SCAP: variants seen among roughly 807,000 people sequenced by gnomAD.
SCAP encodes the protein SREBF chaperone, also known as sterol regulatory element-binding protein cleavage-activating protein.
Under a neutral mutation model 123.6 loss-of-function variants are expected in SCAP, and 65 were observed. The ratio of observed to expected loss-of-function variants is 0.53; its 90% confidence interval spans 0.43 to 0.65. The LOEUF is 0.65. Among genes scored for constraint, SCAP ranks in the 30% least tolerant of loss-of-function variants. The pLI is 0.00. For missense variants in SCAP, 1,398 were observed against 1,712.5 expected, an observed-to-expected ratio of 0.82 and a Z score of 3.24; for synonymous variants, 740 against 726.3, an observed-to-expected ratio of 1.02 and a Z score of -0.30.
At position 47,420,991 on chromosome 3, in the gene SCAP, G is replaced by A; in HGVS notation, c.1284C>T (p.Asp428=). ...CLFAVVGLVS[D]FFLQMLFFTT... is the part of the protein sequence containing the mutation. ...TGAAAAACAGCATCTGAAGGAAGAA[G>A]TCAGACACCAGCCCCACGACAGCAA... The change falls in exon 11 of 23, where the codon GAC becomes GAT. Residue 428 remains aspartate (D), a synonymous_variant. Transcript: ENST00000265565. This position sits in a 1 kb window ranked among gnomAD's most constrained non-coding sequence, Gnocchi z 5.0. 2 of 1,613,990 alleles carry A rather than the reference G, an allele frequency of 1.2e-6. No individual in the cohort carries two copies. Among genetic ancestry groups the A allele is most frequent in the Non-Finnish European group, 1.7e-6 (2 of 1,180,006 alleles).
At chr3:47,472,603 T>A (rs958464443) in intron 1 of SCAP, among the ~76,000 whole-genome samples, 3 of 152,156 alleles carry the variant, frequency 2.0e-5, no homozygotes, top group African/African-American at 4.8e-5. Flanking sequence ...TGATTTAGCA[T>A]CCCTGCAACC....
rs771000596 is a variant in SCAP at position 47,418,819 on chromosome 3, G to A, written c.1965C>T (p.Ile655=). The A allele has an allele frequency of 6.5e-7, 1 of 1,529,532 alleles. No individual in the cohort carries two copies. Among genetic ancestry groups the A allele is most frequent in the South Asian group, 1.3e-5 (1 of 77,578 alleles). The allele number at this position is 1,529,532 out of a possible 1,614,324, so 94.7% of individuals were successfully genotyped here. The change falls in exon 14 of 23, where the codon ATC becomes ATT. Residue 655 remains isoleucine (I), a synonymous_variant. Transcript: ENST00000265565. ...TCGGGTTCAGGCGGAGCGTGACTGG[G>A]ATGACGGGCAGCAGGCTGATGTACC... ...AKRYISLLPV[I]PVTLRLNPRE...
intron 1 of SCAP, among the ~76,000 whole-genome samples, chr3:47,466,154 AAAAG>A (rs1225184990): frequency 4.2e-5 from 6 of 142,186 alleles, no homozygotes; most frequent in Admixed American, 2.2e-4. Context: ...AAAAAAAAAA[AAAAG>A]AAAGAAATTC....
chr3:47,418,783 C>A lies in SCAP; in HGVS notation c.2001G>T (p.Leu667=). Residue 667 remains leucine, a synonymous_variant, in exon 14 of 23, where the codon CTG becomes CTT. Transcript: ENST00000265565. ...GGCCGTCCTGAGGGTGCCGGCCCTC[C>A]AGAGCCTCCCTCGGGTTCAGGCGGA... The part of the protein sequence containing the change: ...VTLRLNPREA[L]EGRHPQDGRS... The A allele has an allele frequency of 6.4e-7, 1 of 1,565,266 alleles. No homozygotes were observed. The highest frequency in any genetic ancestry group is 1.7e-4 in the Middle Eastern group (1 of 5,816).
chr3:47,445,844 T>A (rs963748608), intron 1 of SCAP, among the ~76,000 whole-genome samples: 2 of 151,226 alleles, frequency 1.3e-5, no homozygotes, highest in Admixed American at 1.3e-4. Flanking sequence ...GTGCTGGGAT[T>A]ACAGGTGTGA....
At chr3:47,449,716 A>T (rs1469815041) in intron 1 of SCAP, among the ~76,000 whole-genome samples, 1 of 124,476 alleles carries the variant, frequency 8.0e-6, no homozygotes. Context: ...GGCTGACTTT[A>T]AGTGCAGGCT....
chr3:47,421,053 G>T, intron 10 of SCAP, 24 bp from the exon 11 acceptor site: 1 of 1,578,214 alleles, frequency 6.3e-7, no homozygotes, highest in South Asian at 1.1e-5. Flanking sequence ...ACATGGGGAT[G>T]GGGGGGTGCC....
chr3:47,442,957 G>A lies in SCAP; in HGVS notation c.37C>T (p.Arg13Trp), dbSNP rs749967242. The A allele has an allele frequency of 1.2e-5, 20 of 1,613,988 alleles. No homozygotes were observed. Among genetic ancestry groups the A allele is most frequent in the Middle Eastern group, 1.7e-4 (1 of 6,056 alleles). ...AGGAGCCCATGGTTGTAGAAGGCCC[G>A]AGATATCTTCTCACGCAGCCTTTCA... ...LTERLREKIS[R>W]AFYNHGLLCA... is the part of the protein sequence containing the mutation. The change falls in exon 2 of 23, where the codon CGG becomes TGG. Residue 13 changes from arginine (R) to tryptophan (W), a missense_variant. Transcript: ENST00000265565.
Position 47,418,671 on chromosome 3 carries a change from C to T in SCAP, c.2113G>A (p.Asp705Asn), listed in dbSNP as rs773872046. Reference sequence around the variant, plus strand: ...CAGCCTTACTTGTACAGCGTGACGTCTCCATGGGCCTGCACCCCACCTGGG... The same window carrying T: ...CAGCCTTACTTGTACAGCGTGACGTTTCCATGGGCCTGCACCCCACCTGGG... ...KGPGGVQAHG[D>N]VTLYKVAALG... Residue 705 changes from aspartate to asparagine, a missense_variant, in exon 14 of 23, where the codon GAC becomes AAC. Physicochemically the swap from Asp to Asn is conservative, Grantham distance 23 (BLOSUM62 1). Coordinates refer to ENST00000265565, the MANE Select transcript of SCAP (RefSeq NM_012235.4). 261 of 1,424,782 alleles carry T rather than the reference C, an allele frequency of 1.8e-4. No individual in the cohort carries two copies. The highest frequency in any genetic ancestry group is 2.4e-4 in the Non-Finnish European group (255 of 1,059,022). The allele number at this position is 1,424,782 out of a possible 1,614,324, so 88.3% of individuals were successfully genotyped here.
intron 1 of SCAP, among the ~76,000 whole-genome samples, chr3:47,446,808 G>A (rs1559559182): frequency 6.6e-6 from 1 of 152,060 alleles, no homozygotes; most frequent in Admixed American, 6.6e-5. Flanking sequence ...GCAGGGCAGG[G>A]TGGCACATGC....
intron 1 of SCAP, among the ~76,000 whole-genome samples, chr3:47,469,207 G>A (rs921191185): frequency 3.3e-5 from 5 of 152,184 alleles, no homozygotes; most frequent in African/African-American, 4.8e-5. Flanking sequence ...AATTAGCCGG[G>A]TGTGGTGGCA....
chr3:47,455,185 C>G (rs1483005771), intron 1 of SCAP, among the ~76,000 whole-genome samples: 1 of 150,218 alleles, frequency 6.7e-6, no homozygotes, highest in Non-Finnish European at 1.5e-5. Flanking sequence ...ACATCAACAA[C>G]AAGCAGGCAG....
chr3:47,452,133 A>C (rs1036651061), intron 1 of SCAP, among the ~76,000 whole-genome samples: 4 of 151,918 alleles, frequency 2.6e-5, no homozygotes, highest in African/African-American at 9.7e-5. Context: ...TGCATTTAAA[A>C]CTCTGTAATT....
At chr3:47,468,122 A>T (rs1043774179) in intron 1 of SCAP, among the ~76,000 whole-genome samples, 2 of 152,074 alleles carry the variant, frequency 1.3e-5, no homozygotes, top group African/African-American at 4.8e-5. Context: ...TCTATCATTG[A>T]TGGACATTTG....
intron 1 of SCAP, among the ~76,000 whole-genome samples, chr3:47,465,841 CAAAA>C (rs79594451): frequency 6.8e-6 from 1 of 146,356 alleles, no homozygotes; most frequent in African/African-American, 2.5e-5. Context: ...TTTAAAAAAA[CAAAA>C]AAAAAAAAGC....
chr3:47,422,065 C>T (rs1433192113), intron 10 of SCAP, among the ~76,000 whole-genome samples: 3 of 152,286 alleles, frequency 2.0e-5, no homozygotes, highest in African/African-American at 7.2e-5. Flanking sequence ...CACGGTGCTT[C>T]TCCCTCAAAA....
At chr3:47,425,854 G>C in intron 7 of SCAP, 143 bp downstream of exon 7, 1 of 1,013,874 alleles carries the variant, frequency 9.9e-7, no homozygotes, top group East Asian at 2.6e-5. Context: ...AGACCCTGCT[G>C]GGGGACAAAG....
chr3:47,427,494 A>G lies in SCAP; in HGVS notation c.584T>C (p.Ile195Thr), dbSNP rs1404034715. The change falls in exon 5 of 23, where the codon ATC (isoleucine) becomes ACC (threonine). Residue 195 changes from isoleucine to threonine, a missense_variant. By Grantham distance (89) the Ile-to-Thr change is moderately conservative (BLOSUM62 -1). Coordinates refer to ENST00000265565, the MANE Select transcript of SCAP (RefSeq NM_012235.4). Reference sequence around the variant, plus strand: ...CAGGGTTTTAGGCTCGTGCTGGTGGATGGTCCCAATGATGTCAGGATCAGC... The same window carrying G: ...CAGGGTTTTAGGCTCGTGCTGGTGGGTGGTCCCAATGATGTCAGGATCAGC... ...FHADPDIIGT[I>T]HQHEPKTLQT... 6.2e-7 allele frequency: 1 copy of G among 1,614,052 alleles called. No individual in the cohort carries two copies. Among genetic ancestry groups the G allele is most frequent in the Non-Finnish European group, 8.5e-7 (1 of 1,180,044 alleles).
At chr3:47,462,527 C>T (rs997458464) in intron 1 of SCAP, among the ~76,000 whole-genome samples, 2 of 152,046 alleles carry the variant, frequency 1.3e-5, no homozygotes, top group African/African-American at 4.8e-5. Flanking sequence ...CATAAAGACA[C>T]TATGCTGAAA....
Sources: gnomAD v4.1 joint callset for allele counts (sites outside exome capture counted in the v4.1 genomes callset) on GRCh38, gnomAD v4.1.1 for gene constraint, Gnocchi (gnomAD v3.1) non-coding constraint, MANE v1.5 for transcripts, NCBI Gene and HGNC (gene_info 2026-07-23, HGNC 2026-07-21) for gene names.